Variants in CACNA1A observed in about 807,000 individuals in gnomAD.
CACNA1A encodes the protein voltage-dependent P/Q-type calcium channel subunit alpha-1A.
A neutral mutation model predicts 262.4 loss-of-function variants in CACNA1A; 57 were observed. The observed-to-expected ratio is 0.22, with a 90% CI of 0.18 to 0.27. The LOEUF is 0.27. Among genes scored for constraint, CACNA1A ranks in the 10% least tolerant of loss-of-function variants. The pLI is 1.00. For missense variants in CACNA1A, 2,526 were observed against 3,562.8 expected (o/e 0.71, Z 7.41); for synonymous variants, 1,431 against 1,419.3 (o/e 1.01, Z -0.18).
intron 6 of CACNA1A, among the ~76,000 whole-genome samples, chr19:13,350,487 C>G (rs997720481): frequency 2.2e-4 from 34 of 152,178 alleles, no homozygotes; most frequent in Non-Finnish European, 4.4e-5. Context: ...CTTACTTTCA[C>G]TGGAAGTGGA....
intron 10 of CACNA1A, among the ~76,000 whole-genome samples, chr19:13,323,669 G>A (rs2058300530): frequency 1.3e-5 from 2 of 152,086 alleles, no homozygotes; most frequent in South Asian, 2.1e-4. Flanking sequence ...TTGGATATTA[G>A]CTCCTTATCA....
chr19:13,230,000 A>G, intron 36 of CACNA1A, 82 bp downstream of exon 36: 1 of 1,499,300 alleles, frequency 6.7e-7, no homozygotes, highest in South Asian at 1.3e-5. Context: ...AGTGCTCCAG[A>G]GTCTGGGGCC....
intron 3 of CACNA1A, among the ~76,000 whole-genome samples, chr19:13,396,632 AG>A (rs2059816585): frequency 6.6e-6 from 1 of 152,240 alleles, no homozygotes; most frequent in African/African-American, 2.4e-5. Flanking sequence ...TCGTGTGGCT[AG>A]TGGCTATCCT....
In CACNA1A at chr19:13,211,607, ATG is replaced by A. The variant is rs1240281011; in HGVS notation, c.6303+494_6303+495del. 12 of 163,204 alleles carry A rather than the reference ATG, an allele frequency of 7.4e-5. No individual in the cohort carries two copies. The South Asian group carries it at 1.5e-3, about 21-fold the overall frequency. 10.1% of individuals were successfully genotyped at this position (163,204 alleles called of 1,614,324 possible). A position where few individuals can be genotyped will look rare whatever the true frequency, so the allele number is the denominator to read the frequency against. ...GACACGTGTGCACGTACATGTGTGC[ATG>A]TGTGAGTACATGTGCAGTGTGTATA... On this transcript the variant is annotated intron_variant, in intron 43 of 46. Coordinates refer to ENST00000360228, the MANE Select transcript of CACNA1A (RefSeq NM_001127222.2).
In CACNA1A at chr19:13,207,750, CGCT is replaced by C. The variant is rs763491028; in HGVS notation, c.7081_7083del (p.Ser2361del). The C allele has an allele frequency of 7.3e-7, 1 of 1,372,264 alleles. No individual in the cohort carries two copies. The highest frequency in any genetic ancestry group is 9.3e-7 in the Non-Finnish European group (1 of 1,070,102). The allele number at this position is 1,372,264 out of a possible 1,614,324, so 85.0% of individuals were successfully genotyped here. On this transcript the variant is annotated inframe_deletion, in exon 47 of 47. Transcript: ENST00000360228. This position sits in a 1 kb window ranked among gnomAD's most constrained non-coding sequence, Gnocchi z 5.7. ...CGCCTCTCCATCCTGGGCGAGCGGC[CGCT>C]GCTGTGGCCCCCCGTGGGCGGCCGA...
chr19:13,294,499 T>G, intron 19 of CACNA1A, among the ~76,000 whole-genome samples: 1 of 144,758 alleles, frequency 6.9e-6, no homozygotes, highest in Non-Finnish European at 1.5e-5. Flanking sequence ...TTTTTTTTTT[T>G]TTTTTTTTTT....
intron 31 of CACNA1A, among the ~76,000 whole-genome samples, chr19:13,240,739 C>T (rs370816557): frequency 0.014 from 1,578 of 114,518 alleles, 34 homozygotes; most frequent in African/African-American, 0.046. Context: ...GCAGTGACTG[C>T]GTGCAGCGTC....
At chr19:13,255,383 C>G in intron 28 of CACNA1A, 124 bp from the exon 29 acceptor site, 1 of 841,820 alleles carries the variant, frequency 1.2e-6, no homozygotes, top group East Asian at 2.8e-5. Flanking sequence ...GCCTCTCTTG[C>G]CCCCAGCCAG....
intron 6 of CACNA1A, among the ~76,000 whole-genome samples, chr19:13,343,967 T>A (rs1050358369): frequency 6.6e-6 from 1 of 152,106 alleles, no homozygotes; most frequent in African/African-American, 2.4e-5. Flanking sequence ...TCCCAGCACT[T>A]TGGGGGGCTA....
intron 19 of CACNA1A, among the ~76,000 whole-genome samples, chr19:13,295,172 A>T (rs1039985136): frequency 6.6e-6 from 1 of 152,246 alleles, no homozygotes; most frequent in East Asian, 1.9e-4. Flanking sequence ...GTAGGCACTT[A>T]GTAAATACTA....
At chr19:13,292,615 C>CA (rs900161835) in intron 19 of CACNA1A, among the ~76,000 whole-genome samples, 71 of 140,118 alleles carry the variant, frequency 5.1e-4, no homozygotes, top group East Asian at 4.7e-3. Flanking sequence ...GACCATGTCT[C>CA]AAAAAAAAAA....
chr19:13,368,505 C>T lies in CACNA1A; in HGVS notation c.632-3036G>A, dbSNP rs552097710. On this transcript the variant is annotated intron_variant, in intron 4 of 46. Transcript: ENST00000360228. ...ACTTCACCATACCTGGTTCCACTAC[C>T]ATTTTTTTCTTGAGGCTATTAACTC... Among the ~76,000 whole-genome samples, 7 of 152,200 alleles carry T rather than the reference C, an allele frequency of 4.6e-5. No individual in the cohort carries two copies. In the South Asian group the frequency reaches 1.5e-3, roughly 32 times the overall value.
chr19:13,296,574 A>G (rs1249923496), intron 19 of CACNA1A, among the ~76,000 whole-genome samples: 1 of 152,210 alleles, frequency 6.6e-6, no homozygotes, highest in Non-Finnish European at 1.5e-5. Context: ...TATTTTTAAA[A>G]GGTGAGGTCT....
rs774964478 is a variant in CACNA1A, at chr19:13,231,773, T to C, written c.5337A>G (p.Arg1779=). ...AATAAGCAAATTCATTGCCACACTC[T>C]CGAGTCAGGATGCCAGAGTTCTTAT... ...PCDKNSGILT[R]ECGNEFAYFY... is the part of the protein sequence containing the mutation. Residue 1779 remains arginine, a synonymous_variant, in exon 35 of 47, where the codon CGA becomes CGG. Coordinates refer to ENST00000360228, the MANE Select transcript of CACNA1A (RefSeq NM_001127222.2). The C allele has an allele frequency of 1.2e-6, 2 of 1,613,850 alleles. No individual in the cohort carries two copies. Among genetic ancestry groups the C allele is most frequent in the South Asian group, 2.2e-5 (2 of 91,074 alleles).
At chr19:13,477,820 C>T (rs1378568300) in intron 1 of CACNA1A, among the ~76,000 whole-genome samples, 1 of 152,198 alleles carries the variant, frequency 6.6e-6, no homozygotes, top group African/African-American at 2.4e-5. Flanking sequence ...TCTATAGAAG[C>T]CGCCTTTCCA....
Position 13,371,872 on chromosome 19 carries a change from T to C in CACNA1A, c.540-93A>G, listed in dbSNP as rs1599308685. The C allele has an allele frequency of 2.1e-5, 19 of 912,230 alleles. No homozygotes were observed. In the East Asian group the frequency reaches 4.5e-4, roughly 21 times the overall value. 56.5% of individuals were successfully genotyped at this position (912,230 alleles called of 1,614,324 possible). ...GCTTGGGATTCCAAGCTGTCCTGTA[T>C]TGGTTGGGTGACCACAGGCAGGTGA... On this transcript the variant is annotated intron_variant, in intron 3 of 46. Transcript: ENST00000360228.
intron 43 of CACNA1A, chr19:13,211,103 C>T: frequency 5.2e-6 from 1 of 193,224 alleles, no homozygotes; most frequent in Non-Finnish European, 1.1e-5. Context: ...CCTGAGGGAG[C>T]AGCAGCATGC....
intron 36 of CACNA1A, chr19:13,227,764 A>C: frequency 3.6e-6 from 1 of 280,342 alleles, no homozygotes; most frequent in East Asian, 6.0e-5. Flanking sequence ...AGATTACTTC[A>C]CTGCTCGGGA....
intron 44 of CACNA1A, among the ~76,000 whole-genome samples, chr19:13,210,038 C>CT (rs2054747017): frequency 6.6e-6 from 1 of 151,752 alleles, no homozygotes; most frequent in Non-Finnish European, 1.5e-5. Flanking sequence ...CCCCACAAGT[C>CT]TGAGTCCTTC....
Sources: allele counts gnomAD v4.1 joint callset (sites outside exome capture counted in the v4.1 genomes callset), GRCh38; gene constraint gnomAD v4.1.1; non-coding constraint Gnocchi (gnomAD v3.1); transcripts MANE v1.5; gene names NCBI Gene and HGNC (gene_info 2026-07-23, HGNC 2026-07-21).